Variants in LRCH1 observed in about 807,000 individuals in gnomAD.
LRCH1 encodes the protein leucine-rich repeat and calponin homology domain-containing protein 1.
LRCH1 carries 23 observed loss-of-function variants against 94.9 expected under a neutral mutation model. That is an observed-to-expected ratio of 0.24 (90% CI 0.17 to 0.34). The LOEUF (loss-of-function observed/expected upper bound fraction) is 0.34. LRCH1 is among the 10% of genes least tolerant of loss of function. The pLI is 1.00. For missense variants in LRCH1, 790 were observed against 945.9 expected (o/e 0.84, Z 2.16); for synonymous variants, 364 against 354.9 (o/e 1.03, Z -0.29).
chr13:46,557,814 G>A lies in LRCH1; in HGVS notation c.307+4111G>A, dbSNP rs149880302. The stretch of plus-strand genomic sequence containing the variant: ...GCTGAGGTTGCAGTGAGCTGAGGTC[G>A]CACCACTGCATGCCAGCCTGGGCGA... On this transcript the variant is annotated intron_variant, in intron 1 of 19. Transcript: ENST00000389797. Among the ~76,000 whole-genome samples, 586 of 152,160 alleles carry A rather than the reference G, an allele frequency of 3.9e-3. 4 individuals are homozygous for A. Among genetic ancestry groups the A allele is most frequent in the South Asian group, 0.026 (126 of 4,800 alleles).
intron 1 of LRCH1, among the ~76,000 whole-genome samples, chr13:46,614,112 CT>C (rs35433062): frequency 0.84 from 127,421 of 152,074 alleles, 53,930 homozygotes; most frequent in African/African-American, 0.96. Flanking sequence ...AGTTACCTTT[CT>C]TTTTTTGTGG....
At chr13:46,692,408 G>A in intron 7 of LRCH1, 128 bp from the exon 8 acceptor site, 1 of 618,818 alleles carries the variant, frequency 1.6e-6, no homozygotes, top group East Asian at 3.0e-5. Flanking sequence ...ATTGACCTTT[G>A]TATCTGGCAA....
At chr13:46,728,809 G>A (rs1872955014) in intron 17 of LRCH1, 38 bp from the exon 18 acceptor site, 1 of 1,565,276 alleles carries the variant, frequency 6.4e-7, no homozygotes, top group Non-Finnish European at 8.7e-7. Flanking sequence ...TTACCTCAGT[G>A]TTCATATTAA....
intron 1 of LRCH1, among the ~76,000 whole-genome samples, chr13:46,600,618 T>TACACACACACAC (rs3068695): frequency 0.067 from 9,531 of 143,098 alleles, 368 homozygotes; most frequent in Admixed American, 0.085. Context: ...TGACCAGATT[T>TACACACACACAC]ACACACACAC....
intron 1 of LRCH1, among the ~76,000 whole-genome samples, chr13:46,647,371 T>G (rs2051235694): frequency 6.6e-6 from 1 of 152,138 alleles, no homozygotes; most frequent in Non-Finnish European, 1.5e-5. Context: ...CTAATTTGAG[T>G]GTGGTTGATC....
chr13:46,664,961 G>A (rs552774207), intron 2 of LRCH1, among the ~76,000 whole-genome samples: 1 of 152,174 alleles, frequency 6.6e-6, no homozygotes, highest in African/African-American at 2.4e-5. Context: ...TCTGGGAGGG[G>A]CAGTCTCTTG....
chr13:46,731,259 G>A (rs1011808179), intron 18 of LRCH1, among the ~76,000 whole-genome samples: 3 of 151,070 alleles, frequency 2.0e-5, no homozygotes, highest in African/African-American at 7.3e-5. Context: ...TTTTTCTGGA[G>A]ATGGAGTCTC....
At chr13:46,554,497 G>A (rs2050041246) in intron 1 of LRCH1, among the ~76,000 whole-genome samples, 1 of 152,194 alleles carries the variant, frequency 6.6e-6, no homozygotes, top group Non-Finnish European at 1.5e-5. Flanking sequence ...AGGAAAGGAC[G>A]GCGTGGCATA....
chr13:46,641,215 G>C (rs2051154004), intron 1 of LRCH1, among the ~76,000 whole-genome samples: 2 of 152,172 alleles, frequency 1.3e-5, no homozygotes, highest in South Asian at 4.1e-4. Context: ...TGGATAGAAA[G>C]ATGTAGCTGC....
rs201392016 is a variant in LRCH1, at chr13:46,681,781, T to C, written c.620T>C (p.Ile207Thr). The change falls in exon 4 of 20, where the codon ATA (isoleucine) becomes ACA (threonine). Residue 207 changes from isoleucine to threonine, a missense_variant. Physicochemically the swap from Ile to Thr is moderately conservative, Grantham distance 89. This residue lies in a region of LRCH1 where 194 missense variants were observed against 293.5 expected (regional missense o/e 0.66). Transcript: ENST00000389797. Reference sequence around the variant, plus strand: ...GAGATCACAGCGTTGCCCCAGCAGATAGGTCAGTTGAAATCTCTACGAGAA... The same window carrying C: ...GAGATCACAGCGTTGCCCCAGCAGACAGGTCAGTTGAAATCTCTACGAGAA... Reference protein sequence around the residue: ...CNEITALPQQIGQLKSLRELN... With the variant: ...CNEITALPQQTGQLKSLRELN... 2.4e-5 allele frequency: 38 copies of C among 1,613,866 alleles called. No individual in the cohort carries two copies. The Admixed American group carries it at 3.7e-4, about 16-fold the overall frequency.
chr13:46,574,764 A>AAAAT (rs2050282427), intron 1 of LRCH1, among the ~76,000 whole-genome samples: 1 of 151,996 alleles, frequency 6.6e-6, no homozygotes, highest in African/African-American at 2.4e-5. Flanking sequence ...ATGTAACTTA[A>AAAAT]AAATGATTAT....
At chr13:46,580,713 G>A (rs528987447) in intron 1 of LRCH1, among the ~76,000 whole-genome samples, 5 of 152,344 alleles carry the variant, frequency 3.3e-5, no homozygotes, top group East Asian at 1.9e-4. Flanking sequence ...GTGGAGAAAT[G>A]TGTCACTTGC....
In LRCH1 at chr13:46,733,917, A is replaced by G; in HGVS notation, c.2008-4A>G. The G allele has an allele frequency of 6.3e-7, 1 of 1,580,732 alleles. No individual in the cohort carries two copies. Among genetic ancestry groups the G allele is most frequent in the East Asian group, 2.3e-5 (1 of 44,312 alleles). The stretch of plus-strand genomic sequence containing the variant: ...ATATTATTTCCGTATATTTGCATTT[A>G]TAGCCCAAACTTAGCATGGCCAAAT... On this transcript the variant is annotated splice_region_variant and splice_polypyrimidine_tract_variant and intron_variant, in intron 18 of 19. Coordinates refer to ENST00000389797, the MANE Select transcript of LRCH1 (RefSeq NM_001164211.2).
At chr13:46,625,321 G>A (rs549398653) in intron 1 of LRCH1, among the ~76,000 whole-genome samples, 1 of 152,326 alleles carries the variant, frequency 6.6e-6, no homozygotes, top group South Asian at 2.1e-4. Context: ...ACAATACTAT[G>A]GACTGCGTTT....
intron 16 of LRCH1, among the ~76,000 whole-genome samples, chr13:46,721,095 A>G (rs1202932580): frequency 6.6e-6 from 1 of 152,236 alleles, no homozygotes; most frequent in East Asian, 1.9e-4. Flanking sequence ...ATGCCAGGAA[A>G]GTAAAACCCA....
At chr13:46,609,854 C>T (rs1050045845) in intron 1 of LRCH1, among the ~76,000 whole-genome samples, 10 of 152,172 alleles carry the variant, frequency 6.6e-5, no homozygotes, top group African/African-American at 2.4e-4. Context: ...GGAGCCTGGG[C>T]TCAGGGGCTG....
chr13:46,565,208 G>A (rs1280341889), intron 1 of LRCH1, among the ~76,000 whole-genome samples: 1 of 152,206 alleles, frequency 6.6e-6, no homozygotes, highest in African/African-American at 2.4e-5. Flanking sequence ...GAGAGTCAGT[G>A]TTATAAGGCA....
intron 1 of LRCH1, among the ~76,000 whole-genome samples, chr13:46,567,911 G>A (rs1338707214): frequency 6.6e-6 from 1 of 152,112 alleles, no homozygotes; most frequent in East Asian, 1.9e-4. Context: ...TTAGGAGGGC[G>A]AGTGACAAAG....
intron 9 of LRCH1, among the ~76,000 whole-genome samples, chr13:46,699,091 T>C (rs1038186192): frequency 6.6e-6 from 1 of 152,260 alleles, no homozygotes; most frequent in African/African-American, 2.4e-5. Context: ...CGTAGCATAA[T>C]GTCCTCCAGG....
Sources: gnomAD v4.1 joint callset for allele counts (sites outside exome capture counted in the v4.1 genomes callset) on GRCh38, gnomAD v4.1.1 for gene constraint, gnomAD v4.1.1 regional missense constraint, MANE v1.5 for transcripts, NCBI Gene and HGNC (gene_info 2026-07-23, HGNC 2026-07-21) for gene names.